The following SVEP1 variants were observed in gnomAD, a reference collection of about 807,000 sequenced individuals.
The protein encoded by SVEP1 is sushi, von Willebrand factor type A, EGF and pentraxin domain containing 1.
In SVEP1, 164 loss-of-function variants were observed where a neutral mutation model predicts 367.3. That is an observed-to-expected ratio of 0.45 (90% CI 0.39 to 0.51). The LOEUF is 0.51. SVEP1 is among the 20% of genes least tolerant of loss of function. SVEP1 has a pLI of 0.00. For missense variants in SVEP1, 4,117 were observed against 4,425.3 expected, an observed-to-expected ratio of 0.93 and a Z score of 1.98; for synonymous variants, 1,666 against 1,611.6, an observed-to-expected ratio of 1.03 and a Z score of -0.81.
chr9:110,394,627 C>T (rs58371807), intron 40 of SVEP1, among the ~76,000 whole-genome samples: 3,041 of 152,192 alleles, frequency 0.02, 95 homozygotes, highest in African/African-American at 0.069. Context: ...GAATGGATAA[C>T]TAGAATAACC....
Position 110,450,103 on chromosome 9 carries a change from T to C in SVEP1, c.4059A>G (p.Pro1353=), listed in dbSNP as rs763287450. The C allele has an allele frequency of 3.7e-6, 6 of 1,613,850 alleles. No individual in the cohort carries two copies. The Admixed American group carries it at 5.0e-5, about 13-fold the overall frequency. ...GKNVDECLSQ[P]CKNGATCKDG... ...CTTTACAGGTAGCTCCATTTTTGCA[T>C]GGCTGACTGAGACACTCATCGACGT... is the stretch of plus-strand genomic sequence containing the variant. The change falls in exon 24 of 48, where the codon CCA becomes CCG. Residue 1353 remains proline, a synonymous_variant. Transcript: ENST00000374469.
intron 3 of SVEP1, among the ~76,000 whole-genome samples, chr9:110,517,709 A>T (rs1434862416): frequency 6.7e-6 from 1 of 148,574 alleles, no homozygotes; most frequent in African/African-American, 2.5e-5. Flanking sequence ...CACCACTGCA[A>T]TCCAGCCTGG....
At chr9:110,470,097 T>C (rs1408727221) in intron 16 of SVEP1, among the ~76,000 whole-genome samples, 1 of 152,096 alleles carries the variant, frequency 6.6e-6, no homozygotes, top group African/African-American at 2.4e-5. Flanking sequence ...TTACAGGAGA[T>C]TTCCTTATCT....
intron 18 of SVEP1, among the ~76,000 whole-genome samples, chr9:110,459,699 A>T (rs1195947351): frequency 2.0e-5 from 3 of 152,158 alleles, no homozygotes; most frequent in Non-Finnish European, 4.4e-5. Flanking sequence ...ATCATTAAAA[A>T]AATAAGTAGT....
In SVEP1 at chr9:110,375,419, G is replaced by A; in HGVS notation, c.10549C>T (p.Pro3517Ser). The A allele has an allele frequency of 6.7e-7, 1 of 1,487,084 alleles. No homozygotes were observed. The highest frequency in any genetic ancestry group is 9.0e-7 in the Non-Finnish European group (1 of 1,109,108). 92.1% of individuals were successfully genotyped at this position (1,487,084 alleles called of 1,614,324 possible). Residue 3517 changes from proline (P) to serine (S), a missense_variant, in exon 46 of 48, where the codon CCT (proline) becomes TCT (serine). Pro to Ser is a moderately conservative substitution (Grantham distance 74, BLOSUM62 -1). Around this residue, in one of 4 missense-constraint regions of SVEP1, gnomAD observed 1,765 missense variants for 1,781.1 expected, o/e 0.99. Transcript: ENST00000374469. ...PCLNGGRCVA[P>S]YQCDCPPGWT... The stretch of plus-strand genomic sequence containing the variant: ...CCAGGCGGGCAGTCACACTGGTAAG[G>A]GGCCACACAGCGACCTCCGTTCAGA...
At chr9:110,446,161 T>A (rs1306890112) in intron 25 of SVEP1, 123 bp from the exon 26 acceptor site, 3 of 842,244 alleles carry the variant, frequency 3.6e-6, no homozygotes, top group African/African-American at 3.5e-5. Flanking sequence ...AGAAGCAGTT[T>A]CAAAATTAAA....
intron 32 of SVEP1, 111 bp from the exon 33 acceptor site, chr9:110,430,561 A>G (rs1828335709): frequency 1.0e-5 from 12 of 1,177,982 alleles, no homozygotes; most frequent in Non-Finnish European, 1.2e-5. Flanking sequence ...ATCGCAAGAG[A>G]AAACCTCGTG....
chr9:110,404,685 A>G (rs1206288033), intron 38 of SVEP1, 133 bp from the exon 39 acceptor site: 8 of 823,162 alleles, frequency 9.7e-6, no homozygotes, highest in Admixed American at 2.2e-5. Context: ...CACAATCAAT[A>G]TGTCAGGCGG....
chr9:110,412,736 G>A (rs1230834601), intron 36 of SVEP1, among the ~76,000 whole-genome samples: 3 of 152,142 alleles, frequency 2.0e-5, no homozygotes, highest in African/African-American at 7.2e-5. Context: ...CAAAGGACAT[G>A]AACAGACACT....
chr9:110,434,582 G>T (rs943785304), intron 29 of SVEP1, 76 bp from the exon 30 acceptor site: 2 of 1,273,266 alleles, frequency 1.6e-6, no homozygotes, highest in Admixed American at 2.3e-5. Flanking sequence ...ATTTCAAACT[G>T]TATTCTGTAT....
At chr9:110,564,497 A>C (rs1830466671) in intron 1 of SVEP1, among the ~76,000 whole-genome samples, 1 of 152,174 alleles carries the variant, frequency 6.6e-6, no homozygotes, top group South Asian at 2.1e-4. Flanking sequence ...ATCTGACACA[A>C]GAGGGGTGCA....
At chr9:110,392,131 C>CA (rs1554710901) in intron 40 of SVEP1, among the ~76,000 whole-genome samples, 1 of 84,100 alleles carries the variant, frequency 1.2e-5, no homozygotes, top group African/African-American at 6.2e-5. Flanking sequence ...CCCAATTCCT[C>CA]ATTATATATA....
intron 3 of SVEP1, among the ~76,000 whole-genome samples, chr9:110,542,207 A>G (rs981889239): frequency 6.6e-6 from 1 of 152,074 alleles, no homozygotes; most frequent in Non-Finnish European, 1.5e-5. Context: ...CAGCAGTGTG[A>G]TATCTTGGAA....
rs751366047 is a variant in SVEP1 at position 110,430,358 on chromosome 9, G to C, written c.5446C>G (p.Gln1816Glu). 6.2e-7 allele frequency: 1 copy of C among 1,613,460 alleles called. No homozygotes were observed. Among genetic ancestry groups the C allele is most frequent in the Non-Finnish European group, 8.5e-7 (1 of 1,179,694 alleles). Reference sequence around the variant, plus strand: ...ACTCCCATCAACTGGTATCCTTCCTGACACGAAAATGTGACTTCGGCACCT... The same window carrying C: ...ACTCCCATCAACTGGTATCCTTCCTCACACGAAAATGTGACTTCGGCACCT... The part of the protein sequence containing the change: ...TVGAEVTFSC[Q>E]EGYQLMGVTK... Residue 1816 changes from glutamine (Q) to glutamate (E), a missense_variant, in exon 33 of 48, where the codon CAG (glutamine) becomes GAG (glutamate). Coordinates refer to ENST00000374469, the MANE Select transcript of SVEP1 (RefSeq NM_153366.4).
intron 35 of SVEP1, among the ~76,000 whole-genome samples, chr9:110,428,936 G>A (rs1828304049): frequency 6.6e-6 from 1 of 152,170 alleles, no homozygotes; most frequent in Admixed American, 6.5e-5. Context: ...TGGGCATAGT[G>A]ACGCACACCT....
chr9:110,521,607 T>A (rs1414876179), intron 3 of SVEP1, among the ~76,000 whole-genome samples: 1 of 152,236 alleles, frequency 6.6e-6, no homozygotes, highest in Non-Finnish European at 1.5e-5. Context: ...ACACATATAT[T>A]CACACATCAA....
At chr9:110,368,463 C>T (rs758341806) in intron 47 of SVEP1, among the ~76,000 whole-genome samples, 9 of 152,050 alleles carry the variant, frequency 5.9e-5, no homozygotes, top group Admixed American at 1.3e-4. Flanking sequence ...CAAACTTTTG[C>T]GTAAAAAATC....
intron 3 of SVEP1, among the ~76,000 whole-genome samples, chr9:110,527,793 G>T (rs1456035396): frequency 6.6e-6 from 1 of 151,400 alleles, no homozygotes; most frequent in Admixed American, 6.6e-5. Flanking sequence ...TCACTCAAAT[G>T]GTATATATCA....
chr9:110,448,831 A>G (rs902572339), intron 24 of SVEP1, among the ~76,000 whole-genome samples: 1 of 152,236 alleles, frequency 6.6e-6, no homozygotes, highest in Non-Finnish European at 1.5e-5. Context: ...ATGCTACATG[A>G]TAAGACCTCA....
Sources: gnomAD v4.1 joint callset for allele counts (sites outside exome capture counted in the v4.1 genomes callset) on GRCh38, gnomAD v4.1.1 for gene constraint, gnomAD v4.1.1 regional missense constraint, MANE v1.5 for transcripts, NCBI Gene and HGNC (gene_info 2026-07-23, HGNC 2026-07-21) for gene names.